The following NAV3 variants were observed in gnomAD, a reference collection of about 807,000 sequenced individuals.
NAV3 encodes the protein neuron navigator 3.
A neutral mutation model predicts 244.7 loss-of-function variants in NAV3; 87 were observed. The ratio of observed to expected loss-of-function variants is 0.36; its 90% CI spans 0.30 to 0.42. NAV3 has a LOEUF of 0.42. Among genes scored for constraint, NAV3 ranks in the 20% least tolerant of loss-of-function variants. NAV3 has a pLI of 1.00. For missense variants in NAV3, 2,663 were observed against 2,893.3 expected (o/e 0.92, Z 1.83); for synonymous variants, 1,126 against 1,042.2 (o/e 1.08, Z -1.55).
At chr12:77,929,897 C>T (rs1234054626) in intron 1 of NAV3, among the ~76,000 whole-genome samples, 1 of 150,296 alleles carries the variant, frequency 6.7e-6, no homozygotes, top group African/African-American at 2.4e-5. Context: ...TATATGCCTG[C>T]CTCGGCCTCC....
At chr12:77,614,848 G>T (rs1385617638) in intron 2 of NAV3, among the ~76,000 whole-genome samples, 2 of 152,172 alleles carry the variant, frequency 1.3e-5, no homozygotes, top group African/African-American at 4.8e-5. Context: ...CATTATAGTG[G>T]ATGTCATCAT....
intron 2 of NAV3, among the ~76,000 whole-genome samples, chr12:77,589,551 C>T (rs966451282): frequency 3.3e-5 from 5 of 152,156 alleles, no homozygotes; most frequent in African/African-American, 9.7e-5. Context: ...TCCTTCTTCA[C>T]ATGGGGGCAG....
rs1193423570 is a variant in NAV3, at chr12:78,121,980, C to T, written c.3790C>T (p.Pro1264Ser). ...AKAGGKSASA[P>S]NTEGVKSSSV... ...GGCAGGTGGCAAATCTGCCTCTGCACCTAATACTGAGGGTGTGAAATCTTC... is the reference window on the plus strand; with the variant it reads ...GGCAGGTGGCAAATCTGCCTCTGCATCTAATACTGAGGGTGTGAAATCTTC... The change falls in exon 16 of 40, where the codon CCT becomes TCT. Residue 1264 changes from proline to serine, a missense_variant. This residue lies in a region of NAV3 where 354 missense variants were observed against 413.0 expected (regional missense o/e 0.86). Coordinates refer to ENST00000397909, the MANE Select transcript of NAV3 (RefSeq NM_001024383.2). The T allele has an allele frequency of 1.9e-6, 3 of 1,614,138 alleles. No homozygotes were observed. The highest frequency in any genetic ancestry group is 2.2e-5 in the East Asian group (1 of 44,878).
intron 18 of NAV3, among the ~76,000 whole-genome samples, chr12:78,136,842 C>T (rs184594365): frequency 9.1e-4 from 139 of 152,018 alleles, no homozygotes; most frequent in South Asian, 2.9e-3. Flanking sequence ...AAGAGAAAAC[C>T]GAAAACTCTA....
At chr12:78,139,918 CAT>C (rs1956534533) in intron 19 of NAV3, among the ~76,000 whole-genome samples, 1 of 152,008 alleles carries the variant, frequency 6.6e-6, no homozygotes, top group African/African-American at 2.4e-5. Context: ...AAATAAGGTA[CAT>C]ACATTTTTTA....
intron 2 of NAV3, among the ~76,000 whole-genome samples, chr12:77,660,786 C>A (rs1173878333): frequency 1.3e-5 from 2 of 152,146 alleles, no homozygotes; most frequent in African/African-American, 4.8e-5. Flanking sequence ...AACCATGGAA[C>A]TAGCTTTGTC....
chr12:77,739,446 C>A (rs1386586791), intron 2 of NAV3, among the ~76,000 whole-genome samples: 1 of 152,070 alleles, frequency 6.6e-6, no homozygotes, highest in African/African-American at 2.4e-5. Flanking sequence ...AAGATTTATA[C>A]CTTTTTGTTA....
intron 22 of NAV3, among the ~76,000 whole-genome samples, chr12:78,154,267 GTATATATTACTATATATACTAC>G (rs1203375426): frequency 1.8e-3 from 128 of 72,324 alleles, no homozygotes; most frequent in Admixed American, 3.6e-3. Context: ...ATAATATATA[GTATATATTACTATATATACTAC>G]TATATATTAC....
chr12:77,707,746 T>A (rs1381108534), intron 2 of NAV3, among the ~76,000 whole-genome samples: 1 of 152,218 alleles, frequency 6.6e-6, no homozygotes, highest in East Asian at 1.9e-4. Flanking sequence ...TTTTTAATGA[T>A]CACCATTTTA....
intron 13 of NAV3, among the ~76,000 whole-genome samples, chr12:78,117,658 G>C (rs1393590054): frequency 6.6e-6 from 1 of 151,498 alleles, no homozygotes; most frequent in Non-Finnish European, 1.5e-5. Flanking sequence ...ATTTTAGATA[G>C]TTCTTGATTA....
chr12:77,935,906 T>A (rs1351452600), intron 1 of NAV3, among the ~76,000 whole-genome samples: 1 of 152,142 alleles, frequency 6.6e-6, no homozygotes, highest in Non-Finnish European at 1.5e-5. Context: ...GAGAACTCTA[T>A]CAGAACAGCA....
At chr12:78,051,506 T>C (rs1217545336) in intron 11 of NAV3, among the ~76,000 whole-genome samples, 1 of 152,184 alleles carries the variant, frequency 6.6e-6, no homozygotes, top group Non-Finnish European at 1.5e-5. Context: ...TTTTTCTTTT[T>C]TAGCTTGTTA....
chr12:78,036,876 G>C, intron 9 of NAV3: 1 of 697,422 alleles, frequency 1.4e-6, no homozygotes, highest in South Asian at 1.5e-5. Context: ...GCAGCGGCCT[G>C]CTGAACTCTC....
intron 3 of NAV3, among the ~76,000 whole-genome samples, chr12:77,961,782 T>C (rs1892043281): frequency 7.1e-6 from 1 of 140,136 alleles, no homozygotes; most frequent in African/African-American, 2.7e-5. Context: ...AAAACCATCA[T>C]GAAGGTTACA....
intron 2 of NAV3, among the ~76,000 whole-genome samples, chr12:77,814,193 A>G (rs1374708146): frequency 6.6e-6 from 1 of 152,030 alleles, no homozygotes; most frequent in Non-Finnish European, 1.5e-5. Flanking sequence ...CTAATTTCCT[A>G]AAGGAGGAAA....
intron 12 of NAV3, among the ~76,000 whole-genome samples, chr12:78,063,875 C>T (rs538940712): frequency 1.2e-4 from 18 of 152,120 alleles, no homozygotes; most frequent in East Asian, 5.8e-4. Flanking sequence ...GACAAGGAGA[C>T]GAGAGACAAA....
intron 2 of NAV3, among the ~76,000 whole-genome samples, chr12:77,757,142 A>G (rs557142941): frequency 2.1e-4 from 32 of 152,342 alleles, no homozygotes; most frequent in African/African-American, 7.0e-4. Context: ...AATAATCCTT[A>G]ACTGGGGCTT....
chr12:78,150,079 A>G (rs1177509770), intron 22 of NAV3, among the ~76,000 whole-genome samples: 1 of 152,110 alleles, frequency 6.6e-6, no homozygotes, highest in Non-Finnish European at 1.5e-5. Context: ...TAAGGGTATT[A>G]TTTAACCTTG....
chr12:77,858,117 G>A (rs1485028046), intron 1 of NAV3, among the ~76,000 whole-genome samples: 1 of 151,998 alleles, frequency 6.6e-6, no homozygotes, highest in Non-Finnish European at 1.5e-5. Flanking sequence ...TTAGGAATCT[G>A]GCCTGTGAGT....
Sources: allele counts gnomAD v4.1 joint callset (sites outside exome capture counted in the v4.1 genomes callset), GRCh38; gene constraint gnomAD v4.1.1; regional missense constraint gnomAD v4.1.1; transcripts MANE v1.5; gene names NCBI Gene and HGNC (gene_info 2026-07-23, HGNC 2026-07-21).